Variants in NECTIN4 observed in about 807,000 individuals in gnomAD.
The protein encoded by NECTIN4 is nectin-4.
A neutral mutation model predicts 51.7 loss-of-function variants in NECTIN4; 19 were observed. The ratio of observed to expected loss-of-function variants is 0.37; its 90% confidence interval spans 0.26 to 0.54. NECTIN4 has a LOEUF of 0.54. Ranked by LOEUF, NECTIN4 falls within the 20% of genes least tolerant of loss-of-function variation. NECTIN4 has a pLI of 0.86. For synonymous variants in NECTIN4, 283 were observed against 286.9 expected, an observed-to-expected ratio of 0.99 and a Z score of 0.14; for missense variants, 619 against 662.4, an observed-to-expected ratio of 0.93 and a Z score of 0.72.
At chr1:161,083,409 G>T (rs1322262961) in intron 1 of NECTIN4, among the ~76,000 whole-genome samples, 1 of 152,178 alleles carries the variant, frequency 6.6e-6, no homozygotes, top group Non-Finnish European at 1.5e-5. Context: ...CCTCCACCCA[G>T]TGTCAGCCTG....
intron 2 of NECTIN4, 111 bp downstream of exon 2, chr1:161,079,479 C>T: frequency 7.0e-7 from 1 of 1,428,044 alleles, no homozygotes; most frequent in Non-Finnish European, 9.5e-7. Flanking sequence ...CTGAACATGA[C>T]CCCACTTTTT....
At chr1:161,075,965 A>G (rs1217139314) in intron 4 of NECTIN4, among the ~76,000 whole-genome samples, 1 of 151,992 alleles carries the variant, frequency 6.6e-6, no homozygotes, top group African/African-American at 2.4e-5. Flanking sequence ...AATCCCAGCT[A>G]CTCAGGAGGC....
Position 161,072,985 on chromosome 1 carries a change from G to A in NECTIN4, c.1309-100C>T. ...TGGTGGGATCAGAGGCCAGGCGTAA[G>A]CAGGGGTAACGGTTGCCTCAGAAGC... On this transcript the variant is annotated intron_variant, in intron 8 of 8. Transcript: ENST00000368012. 6 of 1,223,386 alleles carry A rather than the reference G, an allele frequency of 4.9e-6. No individual in the cohort carries two copies. In the South Asian group the frequency reaches 6.4e-5, roughly 13 times the overall value. The allele number at this position is 1,223,386 out of a possible 1,614,324, so 75.8% of individuals were successfully genotyped here.
intron 1 of NECTIN4, among the ~76,000 whole-genome samples, chr1:161,088,558 C>T (rs1416709227): frequency 1.3e-5 from 2 of 152,094 alleles, no homozygotes; most frequent in Admixed American, 6.5e-5. Flanking sequence ...AGGTTCCCTT[C>T]CTTAGACCCC....
In NECTIN4 at chr1:161,072,678, G is replaced by C. The variant is rs1478255615; in HGVS notation, c.1516C>G (p.Arg506Gly). 3 of 1,614,088 alleles carry C rather than the reference G, an allele frequency of 1.9e-6. No homozygotes were observed. In the East Asian group the frequency reaches 6.7e-5, roughly 36 times the overall value. The part of the protein sequence containing the change: ...PTGNGIYING[R>G]GHLV ...GGCCTGGGTCAGACCAGGTGTCCCC[G>C]CCCATTGATGTAGATGCCATTGCCC... Residue 506 changes from arginine (R) to glycine (G), a missense_variant, in exon 9 of 9, where the codon CGG becomes GGG. Around this residue, in one of 3 missense-constraint regions of NECTIN4, gnomAD observed 364 missense variants for 415.7 expected, o/e 0.88. Transcript: ENST00000368012.
At position 161,076,495 on chromosome 1, in the gene NECTIN4, G is replaced by T. The variant is rs781120252; in HGVS notation, c.731-20C>A. 2 of 1,613,660 alleles carry T rather than the reference G, an allele frequency of 1.2e-6. No homozygotes were observed. Among genetic ancestry groups the T allele is most frequent in the East Asian group, 4.5e-5 (2 of 44,884 alleles). On this transcript the variant is annotated intron_variant, in intron 3 of 8. Coordinates refer to ENST00000368012, the MANE Select transcript of NECTIN4 (RefSeq NM_030916.3). ...CAAGGACTGGAATGGGAAGTGGGAGGAGAAAGAATGGGAATGATGCCTTTG... is the reference window on the plus strand; with the variant it reads ...CAAGGACTGGAATGGGAAGTGGGAGTAGAAAGAATGGGAATGATGCCTTTG...
chr1:161,080,743 A>C (rs1653646921), intron 1 of NECTIN4, among the ~76,000 whole-genome samples: 1 of 152,134 alleles, frequency 6.6e-6, no homozygotes, highest in African/African-American at 2.4e-5. Flanking sequence ...GGGCTAGTAC[A>C]AAGGGCTAGT....
rs1386877283 is a variant in NECTIN4, at chr1:161,073,217, G to A, written c.1308+8C>T. 2.5e-6 allele frequency: 4 copies of A among 1,613,290 alleles called. No homozygotes were observed. The African/African-American group carries it at 5.3e-5, about 22-fold the overall frequency. On this transcript the variant is annotated splice_region_variant and intron_variant, in intron 8 of 8. Coordinates refer to ENST00000368012, the MANE Select transcript of NECTIN4 (RefSeq NM_030916.3). ...TGGTGGGGACACCGGTGGGGCCGGGGGCCTCACCATCACAGAGCAGCTACT... is the reference window on the plus strand; with the variant it reads ...TGGTGGGGACACCGGTGGGGCCGGGAGCCTCACCATCACAGAGCAGCTACT...
At chr1:161,077,213 C>T (rs1213155894) in intron 3 of NECTIN4, among the ~76,000 whole-genome samples, 1 of 152,112 alleles carries the variant, frequency 6.6e-6, no homozygotes, top group African/African-American at 2.4e-5. Context: ...TTGATTCTCC[C>T]AACAACCCTG....
chr1:161,075,000 C>T (rs1571145723), intron 4 of NECTIN4, among the ~76,000 whole-genome samples: 1 of 152,254 alleles, frequency 6.6e-6, no homozygotes, highest in East Asian at 1.9e-4. Context: ...TGCCATCCCA[C>T]ATGCTTCCAC....
At chr1:161,073,588 G>A (rs1207766176) in intron 7 of NECTIN4, 132 bp downstream of exon 7, 12 of 907,290 alleles carry the variant, frequency 1.3e-5, no homozygotes, top group African/African-American at 4.9e-5. Flanking sequence ...ACTCTACCCC[G>A]GCCAACCCCA....
intron 2 of NECTIN4, 136 bp from the exon 3 acceptor site, chr1:161,077,879 G>A: frequency 2.5e-6 from 2 of 789,836 alleles, no homozygotes; most frequent in South Asian, 3.7e-5. Flanking sequence ...AGACGCAGAT[G>A]AATGGTAGAA....
At chr1:161,084,229 C>T (rs138075049) in intron 1 of NECTIN4, among the ~76,000 whole-genome samples, 7 of 152,244 alleles carry the variant, frequency 4.6e-5, no homozygotes, top group Admixed American at 3.3e-4. Flanking sequence ...GGGGCATATA[C>T]GTACTTACTT....
intron 1 of NECTIN4, among the ~76,000 whole-genome samples, chr1:161,088,909 C>T (rs2101684612): frequency 6.6e-6 from 1 of 152,258 alleles, no homozygotes; most frequent in African/African-American, 2.4e-5. Flanking sequence ...GCCTGCCCAT[C>T]TACACTGGGT....
At chr1:161,076,314 C>T (rs1653411836) in intron 4 of NECTIN4, 41 bp downstream of exon 4, 6 of 1,612,856 alleles carry the variant, frequency 3.7e-6, no homozygotes, top group Non-Finnish European at 5.1e-6. Flanking sequence ...AGGGGAGGAA[C>T]CTAGTCTCAA....
Position 161,089,126 on chromosome 1 carries a change from G to T in NECTIN4, c.79+92C>A. On this transcript the variant is annotated intron_variant, in intron 1 of 8. Transcript: ENST00000368012. The surrounding 1 kb of genome is among the most constrained non-coding windows in gnomAD (Gnocchi z 4.1). ...GAGTCAAAGAAAGGAGGATATGTGTGTGCGTGCGTGTGTGTCTATGTGTTT... is the reference window on the plus strand; with the variant it reads ...GAGTCAAAGAAAGGAGGATATGTGTTTGCGTGCGTGTGTGTCTATGTGTTT... 9.2e-7 allele frequency: 1 copy of T among 1,086,234 alleles called. No homozygotes were observed. The allele number at this position is 1,086,234 out of a possible 1,614,324, so 67.3% of individuals were successfully genotyped here.
rs781559473 is a variant in NECTIN4, at chr1:161,077,622, G to C, written c.561C>G (p.Val187=). 6.2e-7 allele frequency: 1 copy of C among 1,613,722 alleles called. No homozygotes were observed. The highest frequency in any genetic ancestry group is 1.7e-5 in the Admixed American group (1 of 60,016). Residue 187 remains valine, a synonymous_variant, in exon 3 of 9, where the codon GTC becomes GTG. Transcript: ENST00000368012. ...AGGAACGGCTGGACGTTGTGCCTTT[G>C]ACCTCCGTGTCCCAGGTCACGCTGG... ...PAPSVTWDTE[V]KGTTSSRSFK...
chr1:161,072,887 T>G lies in NECTIN4; in HGVS notation c.1309-2A>C. The G allele has an allele frequency of 6.2e-7, 1 of 1,610,384 alleles. No homozygotes were observed. Among genetic ancestry groups the G allele is most frequent in the Non-Finnish European group, 8.5e-7 (1 of 1,178,356 alleles). ...ACTGCGGCCCTCGGGCTCTTCACTC[T>G]GGAGACCAAGGGCAAAGGGCAAGTC... On this transcript the variant is annotated splice_acceptor_variant, in intron 8 of 8. Coordinates refer to ENST00000368012, the MANE Select transcript of NECTIN4 (RefSeq NM_030916.3). LOFTEE classifies it high-confidence loss of function.
At chr1:161,087,363 C>A (rs1026234836) in intron 1 of NECTIN4, 1 of 152,046 alleles carries the variant, frequency 6.6e-6, no homozygotes, top group Non-Finnish European at 1.5e-5. Context: ...TCCCTTACTG[C>A]CAGGCATTGC....
Sources: gnomAD v4.1 joint callset for allele counts (sites outside exome capture counted in the v4.1 genomes callset) on GRCh38, gnomAD v4.1.1 for gene constraint, gnomAD v4.1.1 regional missense constraint, Gnocchi (gnomAD v3.1) non-coding constraint, MANE v1.5 for transcripts, NCBI Gene and HGNC (gene_info 2026-07-23, HGNC 2026-07-21) for gene names.